Variants in SAMD9L observed in about 807,000 individuals in gnomAD.
SAMD9L encodes sterile alpha motif domain containing 9 like.
A neutral mutation model predicts 90.7 loss-of-function variants in SAMD9L; 68 were observed. The observed-to-expected ratio is 0.75, with a 90% confidence interval of 0.62 to 0.92. The LOEUF (loss-of-function observed/expected upper bound fraction) is 0.92. SAMD9L is among the 40% of genes least tolerant of loss of function. SAMD9L has a pLI of 0.00. For synonymous variants in SAMD9L, 640 were observed against 630.1 expected (o/e 1.02, Z -0.23); for missense variants, 1,604 against 1,824.3 (o/e 0.88, Z 2.20).
chr7:93,139,222 C>G (rs1164195678), intron 4 of SAMD9L, among the ~76,000 whole-genome samples: 1 of 152,170 alleles, frequency 6.6e-6, no homozygotes, highest in Non-Finnish European at 1.5e-5. Context: ...TGGCCTCTCA[C>G]CCGATCGACT....
Position 93,146,908 on chromosome 7 carries a change from T to C in SAMD9L, c.-804A>G, listed in dbSNP as rs1747113538. 1 of 152,248 alleles carries C rather than the reference T, an allele frequency of 6.6e-6. No individual in the cohort carries two copies. The highest frequency in any genetic ancestry group is 1.5e-5 in the Non-Finnish European group (1 of 68,052). The allele number at this position is 152,248 out of a possible 1,614,324, so 9.4% of individuals were successfully genotyped here. ...CAACTTTCTGCTGTGTCACTCACAG[T>C]CACCGAATGAGGCCATTTCTCACAC... On this transcript the variant is annotated 5_prime_UTR_variant, in exon 2 of 5. Transcript: ENST00000318238.
At chr7:93,139,771 T>G (rs772761343) in intron 4 of SAMD9L, among the ~76,000 whole-genome samples, 6 of 152,158 alleles carry the variant, frequency 3.9e-5, no homozygotes, top group Admixed American at 6.5e-5. Flanking sequence ...CTCCGTCCTC[T>G]CTGTTTCAAA....
chr7:93,133,855 G>A lies in SAMD9L; in HGVS notation c.2117C>T (p.Ser706Phe), dbSNP rs1462257283. The A allele has an allele frequency of 6.2e-7, 1 of 1,613,204 alleles. No individual in the cohort carries two copies. The highest frequency in any genetic ancestry group is 8.5e-7 in the Non-Finnish European group (1 of 1,179,692). ...ACTGTCCCTTTTAACAAAATCTGAA[G>A]AATAGTTTTCAGAAGAAAAATAGAA... The part of the protein sequence containing the change: ...WNFYFSSENY[S>F]SDFVKRDSYE... Residue 706 changes from serine (S) to phenylalanine (F), a missense_variant, in exon 5 of 5, where the codon TCT (serine) becomes TTT (phenylalanine). Ser to Phe is a radical substitution (Grantham distance 155, BLOSUM62 -2). Coordinates refer to ENST00000318238, the MANE Select transcript of SAMD9L (RefSeq NM_152703.5).
Position 93,130,584 on chromosome 7 carries a change from G to A in SAMD9L, c.*633C>T, listed in dbSNP as rs1792042123. On this transcript the variant is annotated 3_prime_UTR_variant, in exon 5 of 5. Transcript: ENST00000318238. Reference sequence around the variant, plus strand: ...GAACAAGAGAATGGAGAGAGTTCAAGTTTATGATTACTTTATTTTTTGAAC... The same window carrying A: ...GAACAAGAGAATGGAGAGAGTTCAAATTTATGATTACTTTATTTTTTGAAC... 6.6e-6 allele frequency: 1 copy of A among 152,012 alleles called. No homozygotes were observed. The allele number at this position is 152,012 out of a possible 1,614,324, so 9.4% of individuals were successfully genotyped here.
chr7:93,145,486 T>A lies in SAMD9L; in HGVS notation c.-224A>T, dbSNP rs1275416063. The A allele has an allele frequency of 6.6e-6, 1 of 152,192 alleles. No individual in the cohort carries two copies. Among genetic ancestry groups the A allele is most frequent in the African/African-American group, 2.4e-5 (1 of 41,446 alleles). 9.4% of individuals were successfully genotyped at this position (152,192 alleles called of 1,614,324 possible). Reference sequence around the variant, plus strand: ...CCTTAGATTAGTTCCCCTTTCTTGATAATTTGCAAGAGTCACGTTCTGGAA... The same window carrying A: ...CCTTAGATTAGTTCCCCTTTCTTGAAAATTTGCAAGAGTCACGTTCTGGAA... On this transcript the variant is annotated 5_prime_UTR_variant, in exon 3 of 5. Transcript: ENST00000318238.
At chr7:93,144,437 A>G (rs567680341) in intron 4 of SAMD9L, among the ~76,000 whole-genome samples, 1 of 152,258 alleles carries the variant, frequency 6.6e-6, no homozygotes, top group Non-Finnish European at 1.5e-5. Context: ...ATTACATTGT[A>G]TTAGGCATTA....
chr7:93,135,919 T>A lies in SAMD9L; in HGVS notation c.53A>T (p.His18Leu), dbSNP rs775639821. 1.6e-5 allele frequency: 26 copies of A among 1,611,736 alleles called. No homozygotes were observed. Among genetic ancestry groups the A allele is most frequent in the Non-Finnish European group, 2.5e-6 (3 of 1,179,284 alleles). Residue 18 changes from histidine to leucine, a missense_variant, in exon 5 of 5, where the codon CAT becomes CTT. This residue lies in a region of SAMD9L where 24 missense variants were observed against 41.8 expected (regional missense o/e 0.57). Transcript: ENST00000318238. ...GTCTTCATTTACCCATTTTTTCACA[T>A]GCTCTTTGGTCCAGTCTTTAATCAT... ...PEMIKDWTKE[H>L]VKKWVNEDLK...
In SAMD9L at chr7:93,131,178, TATAA is replaced by T. The variant is rs1562785523; in HGVS notation, c.*35_*38del. On this transcript the variant is annotated 3_prime_UTR_variant, in exon 5 of 5. Coordinates refer to ENST00000318238, the MANE Select transcript of SAMD9L (RefSeq NM_152703.5). ...GAGAGAGAGAATAAAATCATAAAGA[TATAA>T]ATAAACGTATTTGAACTACAGGTGA... 8.7e-7 allele frequency: 1 copy of T among 1,150,092 alleles called. No homozygotes were observed. The highest frequency in any genetic ancestry group is 1.2e-6 in the Non-Finnish European group (1 of 817,048). The allele number at this position is 1,150,092 out of a possible 1,614,324, so 71.2% of individuals were successfully genotyped here. A position where few individuals can be genotyped will look rare whatever the true frequency, so the allele number is the denominator to read the frequency against.
At position 93,133,519 on chromosome 7, in the gene SAMD9L, A is replaced by G. The variant is rs778780707; in HGVS notation, c.2453T>C (p.Ile818Thr). ...QENVYFLQNA[I>T]HSVLAEKDLR... is the part of the protein sequence containing the mutation. ...ATCCTTTTCTGCTAAAACGGAATGG[A>G]TGGCATTTTGTAGAAAGTAGACATT... Residue 818 changes from isoleucine to threonine, a missense_variant, in exon 5 of 5, where the codon ATC (isoleucine) becomes ACC (threonine). Ile to Thr is a moderately conservative substitution (Grantham distance 89, BLOSUM62 -1). Around this residue, in one of 7 missense-constraint regions of SAMD9L, gnomAD observed 606 missense variants for 717.6 expected, o/e 0.84. Coordinates refer to ENST00000318238, the MANE Select transcript of SAMD9L (RefSeq NM_152703.5). The G allele has an allele frequency of 3.1e-6, 5 of 1,613,478 alleles. No homozygotes were observed. The Admixed American group carries it at 5.0e-5, about 16-fold the overall frequency.
At chr7:93,137,925 T>C (rs1034758421) in intron 4 of SAMD9L, among the ~76,000 whole-genome samples, 1 of 152,062 alleles carries the variant, frequency 6.6e-6, no homozygotes, top group Non-Finnish European at 1.5e-5. Context: ...CAGAGGAAAC[T>C]TGCACTACAC....
chr7:93,143,805 A>G (rs1327392943), intron 4 of SAMD9L, among the ~76,000 whole-genome samples: 1 of 152,204 alleles, frequency 6.6e-6, no homozygotes, highest in Non-Finnish European at 1.5e-5. Flanking sequence ...TCTATAATCC[A>G]TAGGTAGTTG....
chr7:93,139,321 G>A (rs569609510), intron 4 of SAMD9L, among the ~76,000 whole-genome samples: 8 of 152,098 alleles, frequency 5.3e-5, no homozygotes, highest in Admixed American at 6.5e-5. Flanking sequence ...TCGCGCCAAA[G>A]TTCAGGCACT....
At chr7:93,137,743 T>G (rs889493296) in intron 4 of SAMD9L, among the ~76,000 whole-genome samples, 3 of 150,450 alleles carry the variant, frequency 2.0e-5, no homozygotes, top group Admixed American at 6.6e-5. Context: ...AGTTTTTTTT[T>G]TTTTTTTTTT....
rs757031410 is a variant in SAMD9L at position 93,133,512 on chromosome 7, G to C, written c.2460C>G (p.Ser820=). 6.2e-7 allele frequency: 1 copy of C among 1,612,994 alleles called. No individual in the cohort carries two copies. ...ATCGCAAATCCTTTTCTGCTAAAAC[G>C]GAATGGATGGCATTTTGTAGAAAGT... The part of the protein sequence containing the change: ...NVYFLQNAIH[S]VLAEKDLRYE... Residue 820 remains serine, a synonymous_variant, in exon 5 of 5, where the codon TCC becomes TCG. Transcript: ENST00000318238.
chr7:93,131,619 A>T lies in SAMD9L; in HGVS notation c.4353T>A (p.Tyr1451Ter). ...TGAAGGATCTATTTAAGGATGAAAC[A>T]TACTTTTCTATTAGTTTGGAATCTT... ...LDQDSKLIEKYVSSLNRSFRG... is the reference protein window; with the variant it reads ...LDQDSKLIEK The change falls in exon 5 of 5, where the codon TAT becomes TAA. Residue 1451 changes from tyrosine (Y) to a stop codon, truncating the protein, a stop_gained. Transcript: ENST00000318238. LOFTEE classifies it high-confidence loss of function. The T allele has an allele frequency of 6.2e-7, 1 of 1,613,916 alleles. No homozygotes were observed. Among genetic ancestry groups the T allele is most frequent in the Non-Finnish European group, 8.5e-7 (1 of 1,179,894 alleles).
chr7:93,144,995 T>C (rs1792836442), intron 3 of SAMD9L, among the ~76,000 whole-genome samples, 162 bp from the exon 4 acceptor site: 1 of 152,224 alleles, frequency 6.6e-6, no homozygotes, highest in African/African-American at 2.4e-5. Flanking sequence ...ATGTAACTTA[T>C]AGGACAGAGT....
intron 4 of SAMD9L, among the ~76,000 whole-genome samples, chr7:93,144,345 T>G (rs1238315672): frequency 1.3e-5 from 2 of 152,164 alleles, no homozygotes; most frequent in South Asian, 4.1e-4. Context: ...AAAAAAAAAT[T>G]GCATCTGTAC....
In SAMD9L at chr7:93,132,222, A is replaced by G. The variant is rs758183277; in HGVS notation, c.3750T>C (p.Leu1250=). Residue 1250 remains leucine, a synonymous_variant, in exon 5 of 5, where the codon CTT becomes CTC. Coordinates refer to ENST00000318238, the MANE Select transcript of SAMD9L (RefSeq NM_152703.5). Reference sequence around the variant, plus strand: ...TTTTTAGGTGGGATGTGAACTTGCTAAGAGCCAAATAACATTCATTTCTGG... The same window carrying G: ...TTTTTAGGTGGGATGTGAACTTGCTGAGAGCCAAATAACATTCATTTCTGG... ...PDPRNECYLA[L]SKFTSHLKNL... 1 of 1,613,830 alleles carries G rather than the reference A, an allele frequency of 6.2e-7. No individual in the cohort carries two copies. Among genetic ancestry groups the G allele is most frequent in the South Asian group, 1.1e-5 (1 of 91,072 alleles).
rs1381199238 is a variant in SAMD9L at position 93,135,011 on chromosome 7, A to C, written c.961T>G (p.Phe321Val). 6.8e-6 allele frequency: 11 copies of C among 1,612,954 alleles called. No homozygotes were observed. The highest frequency in any genetic ancestry group is 9.3e-6 in the Non-Finnish European group (11 of 1,178,990). Residue 321 changes from phenylalanine to valine, a missense_variant, in exon 5 of 5, where the codon TTC becomes GTC. Physicochemically the swap from Phe to Val is conservative, Grantham distance 50. Around this residue, in one of 7 missense-constraint regions of SAMD9L, gnomAD observed 374 missense variants for 363.6 expected, o/e 1.03. Coordinates refer to ENST00000318238, the MANE Select transcript of SAMD9L (RefSeq NM_152703.5). ...PKHSICNDKY[F>V]YIQMQICKDK... ...TTACAAATTTGCATCTGAATGTAGAAATACTTATCATTACATATAGAGTGT... is the reference window on the plus strand; with the variant it reads ...TTACAAATTTGCATCTGAATGTAGACATACTTATCATTACATATAGAGTGT...
Sources: allele counts gnomAD v4.1 joint callset (sites outside exome capture counted in the v4.1 genomes callset), GRCh38; gene constraint gnomAD v4.1.1; regional missense constraint gnomAD v4.1.1; transcripts MANE v1.5; gene names NCBI Gene and HGNC (gene_info 2026-07-23, HGNC 2026-07-21).